XYLT1: variants seen among roughly 807,000 people sequenced by gnomAD.
XYLT1 encodes beta-D-xylosyltransferase 1.
XYLT1 carries 36 observed loss-of-function variants against 91.3 expected under a neutral mutation model. The observed-to-expected ratio is 0.39, with a 90% CI of 0.30 to 0.52. The LOEUF (loss-of-function observed/expected upper bound fraction) is 0.52. XYLT1 is among the 20% of genes least tolerant of loss of function. XYLT1 has a pLI of 0.68. For missense variants in XYLT1, 1,242 were observed against 1,284.5 expected (o/e 0.97, Z 0.51); for synonymous variants, 588 against 532.0 (o/e 1.11, Z -1.45).
chr16:17,406,421 G>C (rs1280232439), intron 1 of XYLT1, among the ~76,000 whole-genome samples: 1 of 152,190 alleles, frequency 6.6e-6, no homozygotes, highest in Non-Finnish European at 1.5e-5. Context: ...CTCCAGTGAG[G>C]TCTCTCCCAG....
At chr16:17,120,009 G>A (rs2029990613) in intron 10 of XYLT1, among the ~76,000 whole-genome samples, 1 of 152,128 alleles carries the variant, frequency 6.6e-6, no homozygotes, top group East Asian at 1.9e-4. Flanking sequence ...AAAGCATCCT[G>A]AGAGTAACAG....
At chr16:17,314,444 T>C (rs2034595201) in intron 2 of XYLT1, among the ~76,000 whole-genome samples, 1 of 152,166 alleles carries the variant, frequency 6.6e-6, no homozygotes, top group Admixed American at 6.5e-5. Context: ...TCCTAGAATA[T>C]GCACTACAGG....
intron 1 of XYLT1, among the ~76,000 whole-genome samples, chr16:17,359,675 G>A (rs1346462183): frequency 6.6e-6 from 1 of 152,166 alleles, no homozygotes; most frequent in Non-Finnish European, 1.5e-5. Flanking sequence ...AGGGGAATAT[G>A]TTCTCCCCGT....
intron 9 of XYLT1, among the ~76,000 whole-genome samples, chr16:17,131,993 C>T (rs9807009): frequency 0.95 from 145,064 of 152,306 alleles, 69,139 homozygotes; most frequent in Middle Eastern, 0.98. Flanking sequence ...CTCGAGGCAA[C>T]GTGACGGCTC....
At chr16:17,248,138 T>A (rs887164858) in intron 3 of XYLT1, among the ~76,000 whole-genome samples, 3 of 152,158 alleles carry the variant, frequency 2.0e-5, no homozygotes, top group Non-Finnish European at 4.4e-5. Flanking sequence ...GTTTTTCCCT[T>A]GCTGTTCTCG....
intron 3 of XYLT1, among the ~76,000 whole-genome samples, chr16:17,204,739 A>C (rs1309220768): frequency 6.6e-6 from 1 of 152,214 alleles, no homozygotes; most frequent in African/African-American, 2.4e-5. Flanking sequence ...CCAGTTATAA[A>C]GTAGCTGAGC....
chr16:17,197,444 G>A (rs1272377614), intron 5 of XYLT1, among the ~76,000 whole-genome samples: 3 of 152,138 alleles, frequency 2.0e-5, no homozygotes, highest in Non-Finnish European at 4.4e-5. Context: ...TACTTGAATG[G>A]AAGCTTGTGA....
In XYLT1 at chr16:17,213,946, A is replaced by G. The variant is rs535717867; in HGVS notation, c.914-13292T>C. On this transcript the variant is annotated intron_variant, in intron 3 of 11. Coordinates refer to ENST00000261381, the MANE Select transcript of XYLT1 (RefSeq NM_022166.4). Reference sequence around the variant, plus strand: ...GAGCAACCTTTCAGAGGGTTTCAGCACAGATCAATATTTCACAGATCCTCC... The same window carrying G: ...GAGCAACCTTTCAGAGGGTTTCAGCGCAGATCAATATTTCACAGATCCTCC... Among the ~76,000 whole-genome samples the G allele has an allele frequency of 2.0e-4, 30 of 152,304 alleles. No homozygotes were observed. The South Asian group carries it at 6.0e-3, about 30-fold the overall frequency.
intron 1 of XYLT1, among the ~76,000 whole-genome samples, chr16:17,423,790 A>G (rs894394711): frequency 2.6e-5 from 4 of 151,734 alleles, no homozygotes; most frequent in African/African-American, 9.7e-5. Context: ...TAATTTTTGT[A>G]TTTTTAGTAG....
rs563503217 is a variant in XYLT1 at position 17,238,087 on chromosome 16, C to T, written c.913+20901G>A. 3.3e-5 allele frequency among the ~76,000 whole-genome samples: 5 copies of T among 152,312 alleles called. No homozygotes were observed. The South Asian group carries it at 8.3e-4, about 25-fold the overall frequency. On this transcript the variant is annotated intron_variant, in intron 3 of 11. Transcript: ENST00000261381. Reference sequence around the variant, plus strand: ...ATGAGCTGAAGTCAGAGCACTTTTTCCCCTGGCCTTTCCATTCATCCACCC... The same window carrying T: ...ATGAGCTGAAGTCAGAGCACTTTTTTCCCTGGCCTTTCCATTCATCCACCC...
intron 2 of XYLT1, among the ~76,000 whole-genome samples, chr16:17,259,814 A>G (rs1410469605): frequency 6.6e-6 from 1 of 152,204 alleles, no homozygotes; most frequent in African/African-American, 2.4e-5. Context: ...GCCACTGGGT[A>G]ACAAACATTT....
chr16:17,444,266 T>G (rs984224935), intron 1 of XYLT1, among the ~76,000 whole-genome samples: 5 of 152,370 alleles, frequency 3.3e-5, no homozygotes, highest in South Asian at 4.1e-4. Context: ...ATTGCTAAAC[T>G]AATCCTATTT....
At chr16:17,244,338 T>C (rs1237002355) in intron 3 of XYLT1, among the ~76,000 whole-genome samples, 2 of 151,856 alleles carry the variant, frequency 1.3e-5, no homozygotes, top group African/African-American at 4.8e-5. Flanking sequence ...CGCAAGAAAA[T>C]TGCTGGGATC....
At chr16:17,142,691 C>A (rs1466366437) in intron 6 of XYLT1, among the ~76,000 whole-genome samples, 1 of 151,788 alleles carries the variant, frequency 6.6e-6, no homozygotes, top group Non-Finnish European at 1.5e-5. Context: ...GATCCACCCA[C>A]CTTGGCCTCA....
chr16:17,338,463 G>A (rs1441595921), intron 2 of XYLT1: 6 of 456,394 alleles, frequency 1.3e-5, no homozygotes, highest in African/African-American at 4.0e-5. Context: ...ACGCTTTGCC[G>A]GGCTGGCTGG....
chr16:17,379,755 TCTCTCTCTCACA>T (rs2035649745), intron 1 of XYLT1, among the ~76,000 whole-genome samples: 2 of 130,348 alleles, frequency 1.5e-5, no homozygotes, highest in African/African-American at 6.5e-5. Context: ...TCTCTCTCTC[TCTCTCTCTCACA>T]CACACACACA....
chr16:17,150,537 T>C (rs573560850), intron 6 of XYLT1, among the ~76,000 whole-genome samples: 2 of 152,202 alleles, frequency 1.3e-5, no homozygotes, highest in Non-Finnish European at 2.9e-5. Context: ...ATGCACTTAA[T>C]ATATATTCTT....
At chr16:17,347,667 T>G (rs1485548966) in intron 2 of XYLT1, among the ~76,000 whole-genome samples, 1 of 152,140 alleles carries the variant, frequency 6.6e-6, no homozygotes, top group African/African-American at 2.4e-5. Context: ...TCTCCTTTAA[T>G]CAAAACATGA....
chr16:17,441,953 T>C (rs2141942215), intron 1 of XYLT1, among the ~76,000 whole-genome samples: 2 of 152,310 alleles, frequency 1.3e-5, no homozygotes, highest in East Asian at 3.9e-4. Context: ...ACCCAGATAG[T>C]CAGTCAGACA....
Sources: allele counts gnomAD v4.1 joint callset (sites outside exome capture counted in the v4.1 genomes callset), GRCh38; gene constraint gnomAD v4.1.1; transcripts MANE v1.5; gene names NCBI Gene and HGNC (gene_info 2026-07-23, HGNC 2026-07-21).